MGAT4C: variants seen among roughly 807,000 people sequenced by gnomAD.
MGAT4C encodes alpha-1,3-mannosyl-glycoprotein 4-beta-N-acetylglucosaminyltransferase C.
A neutral mutation model predicts 40.1 loss-of-function variants in MGAT4C; 19 were observed. The ratio of observed to expected loss-of-function variants is 0.47; its 90% confidence interval spans 0.33 to 0.70. The LOEUF is 0.70. Ranked by LOEUF, MGAT4C falls within the 30% of genes least tolerant of loss-of-function variation. The pLI is 0.02. For synonymous variants in MGAT4C, 181 were observed against 187.1 expected, an observed-to-expected ratio of 0.97 and a Z score of 0.27; for missense variants, 491 against 563.2, an observed-to-expected ratio of 0.87 and a Z score of 1.30.
At chr12:86,115,950 G>T (rs368534866) in intron 1 of MGAT4C, among the ~76,000 whole-genome samples, 18 of 152,092 alleles carry the variant, frequency 1.2e-4, no homozygotes, top group African/African-American at 4.3e-4. Flanking sequence ...CACATTCTGA[G>T]AACCGAGGTT....
At chr12:86,326,232 A>C (rs193272986) in intron 4 of MGAT4C, among the ~76,000 whole-genome samples, 2 of 151,718 alleles carry the variant, frequency 1.3e-5, no homozygotes, top group Admixed American at 1.3e-4. Flanking sequence ...CAGCTTGGTG[A>C]CTATAGTTAA....
intron 1 of MGAT4C, among the ~76,000 whole-genome samples, chr12:86,107,263 T>C (rs1235746267): frequency 6.6e-6 from 1 of 152,168 alleles, no homozygotes; most frequent in Non-Finnish European, 1.5e-5. Flanking sequence ...TAAAATCAAA[T>C]GCTTTGGTAA....
chr12:86,271,519 T>G (rs2136108261), intron 4 of MGAT4C, among the ~76,000 whole-genome samples: 1 of 152,310 alleles, frequency 6.6e-6, no homozygotes, highest in South Asian at 2.1e-4. Flanking sequence ...CAACAGATGT[T>G]GATGAAGATG....
intron 1 of MGAT4C, among the ~76,000 whole-genome samples, chr12:86,794,487 A>G (rs1036672837): frequency 6.6e-6 from 1 of 151,848 alleles, no homozygotes; most frequent in African/African-American, 2.4e-5. Flanking sequence ...AGTCAACTCA[A>G]TATTAATGTT....
chr12:86,016,746 C>G (rs979433091), intron 2 of MGAT4C, among the ~76,000 whole-genome samples: 1 of 152,054 alleles, frequency 6.6e-6, no homozygotes, highest in Non-Finnish European at 1.5e-5. Flanking sequence ...TCTCAAAGGC[C>G]TATGTGTAAA....
chr12:86,031,795 C>T (rs770295243), intron 2 of MGAT4C, among the ~76,000 whole-genome samples: 1 of 151,800 alleles, frequency 6.6e-6, no homozygotes, highest in Non-Finnish European at 1.5e-5. Flanking sequence ...TTCAGGGGTA[C>T]ATATGCAAGT....
At chr12:86,302,506 G>T (rs79850728) in intron 4 of MGAT4C, among the ~76,000 whole-genome samples, 12,867 of 150,272 alleles carry the variant, frequency 0.086, 2,136 homozygotes, top group East Asian at 0.25. Flanking sequence ...TGGGCGCACT[G>T]CAACCTCTGC....
chr12:85,989,748 T>C (rs1773829948), intron 2 of MGAT4C, among the ~76,000 whole-genome samples, 196 bp from the exon 3 acceptor site: 1 of 152,090 alleles, frequency 6.6e-6, no homozygotes, highest in African/African-American at 2.4e-5. Flanking sequence ...CAGTGGTTTA[T>C]ATTAATGTAG....
Position 86,007,342 on chromosome 12 carries a change from A to G in MGAT4C, c.-6-17790T>C, listed in dbSNP as rs7311223. ...ATTCTTCCATTTTCTAATTATTTCA[A>G]TCTATGCTTTAGCACAGTTAGAATA... On this transcript the variant is annotated intron_variant, in intron 2 of 4. Transcript: ENST00000611864. 8.3e-3 allele frequency among the ~76,000 whole-genome samples: 1,263 copies of G among 152,176 alleles called. 22 individuals are homozygous for G. The highest frequency in any genetic ancestry group is 0.029 in the African/African-American group (1,190 of 41,534).
Position 85,989,458 on chromosome 12 carries a change from C to T in MGAT4C, c.89G>A (p.Gly30Glu). ...AAAAAGGAGAAAAATGACAAGAACT[C>T]CCAAGAATGACACTGTAGAACGTTT... ...LRKRSTVSFL[G>E]VLVIFLLFMN... Residue 30 changes from glycine (G) to glutamate (E), a missense_variant, in exon 3 of 5, where the codon GGA (glycine) becomes GAA (glutamate). By Grantham distance (98) the Gly-to-Glu change is moderately conservative. Transcript: ENST00000611864. The T allele has an allele frequency of 6.2e-7, 1 of 1,608,038 alleles. No homozygotes were observed. Among genetic ancestry groups the T allele is most frequent in the African/African-American group, 1.3e-5 (1 of 74,842 alleles).
intron 3 of MGAT4C, among the ~76,000 whole-genome samples, chr12:86,420,643 T>C (rs936985962): frequency 6.6e-5 from 10 of 152,082 alleles, no homozygotes; most frequent in African/African-American, 2.4e-4. Context: ...CTTTGAGATG[T>C]ATAACAACTT....
At chr12:86,589,918 A>C (rs1961250934) in intron 2 of MGAT4C, among the ~76,000 whole-genome samples, 1 of 152,000 alleles carries the variant, frequency 6.6e-6, no homozygotes, top group South Asian at 2.1e-4. Flanking sequence ...CAATGATTCA[A>C]AATATGCTTC....
At chr12:86,011,639 C>T (rs1365774328) in intron 2 of MGAT4C, among the ~76,000 whole-genome samples, 1 of 152,022 alleles carries the variant, frequency 6.6e-6, no homozygotes, top group Non-Finnish European at 1.5e-5. Flanking sequence ...TAGGATAGGG[C>T]CAATAGGTAG....
At chr12:86,523,359 T>C (rs1958828811) in intron 2 of MGAT4C, among the ~76,000 whole-genome samples, 1 of 152,278 alleles carries the variant, frequency 6.6e-6, no homozygotes, top group Middle Eastern at 3.4e-3. Context: ...CCAAAAGTCA[T>C]TCAGGAGCAG....
chr12:86,208,382 G>A (rs1484771653), intron 1 of MGAT4C, among the ~76,000 whole-genome samples: 4 of 152,132 alleles, frequency 2.6e-5, no homozygotes, highest in Admixed American at 6.6e-5. Context: ...CAGGAGAATC[G>A]CTTGAACCCA....
intron 4 of MGAT4C, among the ~76,000 whole-genome samples, chr12:86,296,987 G>A (rs1418956923): frequency 1.3e-5 from 2 of 152,190 alleles, no homozygotes; most frequent in African/African-American, 2.4e-5. Context: ...ATATTTTCTT[G>A]TAAAAAAGGC....
intron 2 of MGAT4C, among the ~76,000 whole-genome samples, chr12:86,563,852 T>C (rs1165777760): frequency 2.0e-5 from 3 of 152,162 alleles, no homozygotes; most frequent in Non-Finnish European, 4.4e-5. Context: ...AGTGTGTTCC[T>C]GGACTCATCC....
rs923295829 is a variant in MGAT4C, at chr12:86,256,346, A to C, written c.-164T>G. 6.6e-6 allele frequency: 1 copy of C among 152,208 alleles called. No homozygotes were observed. The highest frequency in any genetic ancestry group is 2.4e-5 in the African/African-American group (1 of 41,438). 9.4% of individuals were successfully genotyped at this position (152,208 alleles called of 1,614,324 possible). Reference sequence around the variant, plus strand: ...CACAAAAGCGAGATAATTGGCTCTCAATGAAGAGATGTAAACATCCATCAT... The same window carrying C: ...CACAAAAGCGAGATAATTGGCTCTCCATGAAGAGATGTAAACATCCATCAT... On this transcript the variant is annotated 5_prime_UTR_variant, in exon 1 of 5. It adds an upstream start codon to the 5' untranslated region. Coordinates refer to ENST00000611864, the MANE Select transcript of MGAT4C (RefSeq NM_001351288.2).
chr12:86,800,080 C>G lies in MGAT4C; in HGVS notation c.-262+38586G>C, dbSNP rs564541238. Among the ~76,000 whole-genome samples, 8 of 152,066 alleles carry G rather than the reference C, an allele frequency of 5.3e-5. No individual in the cohort carries two copies. The South Asian group carries it at 1.7e-3, about 31-fold the overall frequency. On this transcript the variant is annotated intron_variant, in intron 1 of 7. Transcript: ENST00000548651. Reference sequence around the variant, plus strand: ...ACTTTTCCATCCTTCCTACTATTTACTTCAGGGCAATTAACGTTGGAAGAT... The same window carrying G: ...ACTTTTCCATCCTTCCTACTATTTAGTTCAGGGCAATTAACGTTGGAAGAT...
Sources: gnomAD v4.1 joint callset for allele counts (sites outside exome capture counted in the v4.1 genomes callset) on GRCh38, gnomAD v4.1.1 for gene constraint, MANE v1.5 for transcripts, NCBI Gene and HGNC (gene_info 2026-07-23, HGNC 2026-07-21) for gene names.